RPS6KC1: variants seen among roughly 807,000 people sequenced by gnomAD.
The protein encoded by RPS6KC1 is ribosomal protein S6 kinase C1, also known as inactive ribosomal protein S6 kinase delta-1.
Under a neutral mutation model 103.8 loss-of-function variants are expected in RPS6KC1, and 54 were observed. The observed-to-expected ratio is 0.52, with a 90% CI of 0.42 to 0.65. The LOEUF is 0.65. Among genes scored for constraint, RPS6KC1 ranks in the 30% least tolerant of loss-of-function variants. RPS6KC1 has a pLI of 0.00. For missense variants in RPS6KC1, 1,151 were observed against 1,253.8 expected (o/e 0.92, Z 1.24); for synonymous variants, 439 against 438.7 (o/e 1.00, Z -0.01).
chr1:213,201,510 A>G (rs923631031), intron 8 of RPS6KC1, among the ~76,000 whole-genome samples: 1 of 152,176 alleles, frequency 6.6e-6, no homozygotes, highest in African/African-American at 2.4e-5. Flanking sequence ...ACTATTCTGT[A>G]TACTAGAATG....
chr1:213,734,948 C>T, the RPS6KC1 span, among the ~76,000 whole-genome samples: 1 of 152,024 alleles, frequency 6.6e-6, no homozygotes, highest in Non-Finnish European at 1.5e-5. Context: ...GTTTTTGAGA[C>T]GGAGCCGCTC....
intron 8 of RPS6KC1, among the ~76,000 whole-genome samples, chr1:213,179,789 C>T (rs2092144818): frequency 6.6e-6 from 1 of 152,162 alleles, no homozygotes; most frequent in South Asian, 2.1e-4. Context: ...ACTGTAAGCT[C>T]TGTGAAAACA....
At chr1:213,149,946 C>G (rs1210827416) in intron 6 of RPS6KC1, among the ~76,000 whole-genome samples, 20 of 152,160 alleles carry the variant, frequency 1.3e-4, no homozygotes, top group Non-Finnish European at 1.5e-5. Flanking sequence ...TCTATTTTGT[C>G]TGATACAAAT....
the RPS6KC1 span, among the ~76,000 whole-genome samples, chr1:213,667,606 G>A: frequency 6.6e-6 from 1 of 152,134 alleles, no homozygotes; most frequent in Non-Finnish European, 1.5e-5. Flanking sequence ...AGGTTAGGGT[G>A]GCTGTAGCAA....
the RPS6KC1 span, among the ~76,000 whole-genome samples, chr1:213,598,699 C>T: frequency 6.6e-6 from 1 of 152,248 alleles, no homozygotes; most frequent in East Asian, 1.9e-4. Context: ...AGGCAGATCA[C>T]TTGAGGTCAG....
Position 213,268,841 on chromosome 1 carries a change from TA to T in RPS6KC1, c.3091-3674del, listed in dbSNP as rs1008327972. ...ATATTGTAGGGATACAGCAACCACT[TA>T]AAAAAAAACCTAAAAACTAAATACT... On this transcript the variant is annotated intron_variant, in intron 14 of 14. Transcript: ENST00000366960. Among the ~76,000 whole-genome samples, 607 of 149,778 alleles carry T rather than the reference TA, an allele frequency of 4.1e-3. 4 individuals are homozygous for T. Among genetic ancestry groups the T allele is most frequent in the African/African-American group, 0.014 (586 of 40,842 alleles).
chr1:213,383,186 TC>T, the RPS6KC1 span, among the ~76,000 whole-genome samples: 10 of 148,244 alleles, frequency 6.7e-5, no homozygotes, highest in Non-Finnish European at 1.4e-4. Flanking sequence ...TACACTGAAA[TC>T]CCCCCCTGAA....
chr1:213,363,628 T>TTCTTTCTC, the RPS6KC1 span, among the ~76,000 whole-genome samples: 10 of 30,796 alleles, frequency 3.2e-4, 1 homozygote, highest in African/African-American at 1.7e-3. Flanking sequence ...CTTGCTTGCT[T>TTCTTTCTC]TCTTTCTTTC....
the RPS6KC1 span, among the ~76,000 whole-genome samples, chr1:213,366,259 C>T: frequency 1.3e-5 from 2 of 152,250 alleles, no homozygotes; most frequent in African/African-American, 4.8e-5. Context: ...CCCTCTACCA[C>T]CTGTTCCAAA....
the RPS6KC1 span, among the ~76,000 whole-genome samples, chr1:213,486,070 T>A: frequency 6.6e-6 from 1 of 152,152 alleles, no homozygotes; most frequent in Non-Finnish European, 1.5e-5. Context: ...CATGCATGAG[T>A]TCACTCTCCT....
At chr1:213,142,695 G>A (rs1457940646) in intron 6 of RPS6KC1, among the ~76,000 whole-genome samples, 1 of 152,020 alleles carries the variant, frequency 6.6e-6, no homozygotes, top group Non-Finnish European at 1.5e-5. Context: ...CTGATCAGTC[G>A]GCAGCCAGCA....
the RPS6KC1 span, among the ~76,000 whole-genome samples, chr1:213,781,323 T>C: frequency 4.6e-5 from 7 of 152,118 alleles, no homozygotes; most frequent in African/African-American, 1.7e-4. Context: ...AGGGAGCTCA[T>C]TTATGTGCTG....
At chr1:213,666,694 A>G in the RPS6KC1 span, among the ~76,000 whole-genome samples, 1 of 152,250 alleles carries the variant, frequency 6.6e-6, no homozygotes, top group Non-Finnish European at 1.5e-5. Context: ...ACACAAAAGC[A>G]GGAGAAATAA....
the RPS6KC1 span, among the ~76,000 whole-genome samples, chr1:213,771,470 A>G: frequency 6.6e-6 from 1 of 152,210 alleles, no homozygotes. Flanking sequence ...CAATAATCAG[A>G]AATAATAATG....
At chr1:213,595,559 G>C in the RPS6KC1 span, among the ~76,000 whole-genome samples, 2 of 152,178 alleles carry the variant, frequency 1.3e-5, no homozygotes, top group African/African-American at 4.8e-5. Context: ...CCTGACCACG[G>C]ATGGCTGGGA....
chr1:213,768,668 A>T, the RPS6KC1 span, among the ~76,000 whole-genome samples: 1 of 152,210 alleles, frequency 6.6e-6, no homozygotes. Flanking sequence ...ATTATTTTCC[A>T]TTTAGCATGA....
At chr1:213,830,491 G>T in the RPS6KC1 span, among the ~76,000 whole-genome samples, 16 of 152,198 alleles carry the variant, frequency 1.1e-4, no homozygotes, top group African/African-American at 3.9e-4. Flanking sequence ...GGAGCATTTG[G>T]AAGTGTGGTG....
At chr1:213,148,303 A>G (rs752664628) in intron 6 of RPS6KC1, among the ~76,000 whole-genome samples, 3 of 152,136 alleles carry the variant, frequency 2.0e-5, no homozygotes, top group Non-Finnish European at 2.9e-5. Flanking sequence ...TCAGTATACT[A>G]TCTTTGGGTC....
At chr1:213,857,200 C>A in the RPS6KC1 span, among the ~76,000 whole-genome samples, 1 of 152,170 alleles carries the variant, frequency 6.6e-6, no homozygotes, top group Non-Finnish European at 1.5e-5. Flanking sequence ...ATGGGCCTCC[C>A]AATGGTGTGG....
Sources: allele counts gnomAD v4.1 joint callset (sites outside exome capture counted in the v4.1 genomes callset), GRCh38; gene constraint gnomAD v4.1.1; transcripts MANE v1.5; gene names NCBI Gene and HGNC (gene_info 2026-07-23, HGNC 2026-07-21).